The following PRKCA variants were observed in gnomAD, a reference collection of about 807,000 sequenced individuals.
PRKCA encodes the protein protein kinase C alpha type.
PRKCA carries 27 observed loss-of-function variants against 87.0 expected under a neutral mutation model. The ratio of observed to expected loss-of-function variants is 0.31; its 90% CI spans 0.23 to 0.43. The LOEUF (loss-of-function observed/expected upper bound fraction) is 0.43. Ranked by LOEUF, PRKCA falls within the 20% of genes least tolerant of loss-of-function variation. The probability of loss-of-function intolerance (pLI) is 1.00; values close to 1 mark genes in which losing one functional copy is unlikely to be tolerated. For missense variants in PRKCA, 518 were observed against 852.3 expected, an observed-to-expected ratio of 0.61 and a Z score of 4.88; for synonymous variants, 329 against 311.1, an observed-to-expected ratio of 1.06 and a Z score of -0.61.
At chr17:66,695,685 C>G (rs1787079417) in intron 8 of PRKCA, among the ~76,000 whole-genome samples, 7 of 152,302 alleles carry the variant, frequency 4.6e-5, no homozygotes, top group Admixed American at 3.9e-4. Flanking sequence ...CACCATTGCT[C>G]TATTCCAGAG....
chr17:66,462,402 A>G (rs1914893738), intron 2 of PRKCA, among the ~76,000 whole-genome samples: 1 of 152,226 alleles, frequency 6.6e-6, no homozygotes, highest in Non-Finnish European at 1.5e-5. Context: ...GGCATCTAAT[A>G]GCTAAAGTTT....
chr17:66,437,766 A>G (rs1913487070), intron 2 of PRKCA, among the ~76,000 whole-genome samples: 1 of 135,068 alleles, frequency 7.4e-6, no homozygotes, highest in Non-Finnish European at 1.6e-5. Flanking sequence ...GCGGCTTCAA[A>G]CTGGAGATTA....
chr17:66,457,966 C>A (rs887644140), intron 2 of PRKCA, among the ~76,000 whole-genome samples: 3 of 152,076 alleles, frequency 2.0e-5, no homozygotes, highest in African/African-American at 7.2e-5. Context: ...AAAAATGAAG[C>A]CTGATATCCT....
intron 3 of PRKCA, among the ~76,000 whole-genome samples, chr17:66,604,373 C>T (rs922102707): frequency 6.6e-6 from 1 of 152,124 alleles, no homozygotes; most frequent in Admixed American, 6.5e-5. Context: ...ACTTGATTTC[C>T]GAAGGCCATG....
intron 13 of PRKCA, among the ~76,000 whole-genome samples, chr17:66,754,837 G>A (rs1324876493): frequency 6.6e-6 from 1 of 152,010 alleles, no homozygotes; most frequent in Non-Finnish European, 1.5e-5. Flanking sequence ...TGGCCTTCCA[G>A]GTCCTTGGGA....
At chr17:66,521,342 C>T (rs1333681686) in intron 3 of PRKCA, among the ~76,000 whole-genome samples, 2 of 152,094 alleles carry the variant, frequency 1.3e-5, no homozygotes, top group Non-Finnish European at 2.9e-5. Flanking sequence ...TAAAAGAGTT[C>T]TCATTTTTAT....
chr17:66,775,081 TAGG>T (rs1975015959), intron 14 of PRKCA: 1 of 985,438 alleles, frequency 1.0e-6, no homozygotes, highest in Non-Finnish European at 1.2e-6. Flanking sequence ...AGGCTGAAAT[TAGG>T]AGGAATTAGT....
rs539346996 is a variant in PRKCA, at chr17:66,709,566, C to G, written c.918+20519C>G. ...TCAAGTGATCCACCCACCTCAGCCT[C>G]CCAAAGTGCTGGGATTACAGGCATG... On this transcript the variant is annotated intron_variant, in intron 8 of 16. Transcript: ENST00000413366. Among the ~76,000 whole-genome samples the G allele has an allele frequency of 7.4e-4, 112 of 152,170 alleles. 2 individuals carry two copies. The highest frequency in any genetic ancestry group is 2.6e-3 in the African/African-American group (106 of 41,542).
chr17:66,765,437 T>TATAG (rs1974785117), intron 13 of PRKCA, among the ~76,000 whole-genome samples: 1 of 135,602 alleles, frequency 7.4e-6, no homozygotes. Flanking sequence ...TATATATATA[T>TATAG]ATATATATAT....
intron 9 of PRKCA, 56 bp from the exon 10 acceptor site, chr17:66,735,433 C>G (rs1974000959): frequency 6.2e-7 from 1 of 1,602,782 alleles, no homozygotes; most frequent in African/African-American, 1.3e-5. Flanking sequence ...TTCCTTCCCT[C>G]TGCCCCCCAA....
intron 2 of PRKCA, among the ~76,000 whole-genome samples, chr17:66,452,150 T>G (rs995056808): frequency 1.3e-5 from 2 of 152,228 alleles, no homozygotes; most frequent in African/African-American, 4.8e-5. Context: ...CCAATTTGAT[T>G]CACTGAAAAT....
At position 66,502,198 on chromosome 17, in the gene PRKCA, TTGTG is replaced by T. The variant is rs373692087; in HGVS notation, c.288+5921_288+5924del. The stretch of plus-strand genomic sequence containing the variant: ...TGTGCATGGATGTATTGATATGTAT[TTGTG>T]TGTGTATGTTTATTAGCACATTAAG... On this transcript the variant is annotated intron_variant, in intron 3 of 16. Coordinates refer to ENST00000413366, the MANE Select transcript of PRKCA (RefSeq NM_002737.3). Among the ~76,000 whole-genome samples, 1,067 of 152,334 alleles carry T rather than the reference TTGTG, an allele frequency of 7.0e-3. 10 individuals are homozygous for T. Among genetic ancestry groups the T allele is most frequent in the South Asian group, 0.024 (117 of 4,824 alleles).
intron 2 of PRKCA, among the ~76,000 whole-genome samples, chr17:66,461,869 TCGAGGAGGAGAC>T (rs1914867262): frequency 5.2e-5 from 7 of 135,916 alleles, no homozygotes; most frequent in South Asian, 2.1e-4. Context: ...TTCCTAACTA[TCGAGGAGGAGAC>T]TGGGGTTCCT....
At chr17:66,715,584 G>A (rs1214724925) in intron 8 of PRKCA, among the ~76,000 whole-genome samples, 2 of 152,114 alleles carry the variant, frequency 1.3e-5, no homozygotes, top group African/African-American at 4.8e-5. Context: ...CAACTGTTTG[G>A]ATCTTTGTTT....
At chr17:66,542,053 G>C (rs1309829731) in intron 3 of PRKCA, among the ~76,000 whole-genome samples, 4 of 152,136 alleles carry the variant, frequency 2.6e-5, no homozygotes, top group Non-Finnish European at 5.9e-5. Context: ...GGTTATTATG[G>C]TTCTATATAA....
chr17:66,406,876 C>T (rs1019354905), intron 2 of PRKCA, among the ~76,000 whole-genome samples: 1 of 152,066 alleles, frequency 6.6e-6, no homozygotes, highest in Non-Finnish European at 1.5e-5. Context: ...GAGCTCCTGT[C>T]TGCTTCTAAG....
At chr17:66,339,612 A>G (rs1415122745) in intron 2 of PRKCA, among the ~76,000 whole-genome samples, 1 of 152,160 alleles carries the variant, frequency 6.6e-6, no homozygotes, top group Admixed American at 6.6e-5. Context: ...TTTCATTACT[A>G]CTTGAGGGGA....
intron 11 of PRKCA, among the ~76,000 whole-genome samples, chr17:66,739,945 G>A (rs991562132): frequency 2.0e-5 from 3 of 152,248 alleles, no homozygotes; most frequent in East Asian, 1.9e-4. Context: ...TGGTGCAGGC[G>A]CTGGTGAGAC....
Position 66,524,966 on chromosome 17 carries a change from CTCTTA to C in PRKCA, c.288+28685_288+28689del, listed in dbSNP as rs933935390. On this transcript the variant is annotated intron_variant, in intron 3 of 16. Coordinates refer to ENST00000413366, the MANE Select transcript of PRKCA (RefSeq NM_002737.3). ...GATCCTCCCATCCTGGTTACATGTT[CTCTTA>C]TAACGTGTCTTTGCCATGCTTTCAG... Among the ~76,000 whole-genome samples, 3 of 152,230 alleles carry C rather than the reference CTCTTA, an allele frequency of 2.0e-5. No homozygotes were observed. The East Asian group carries it at 5.8e-4, about 29-fold the overall frequency.
Sources: allele counts gnomAD v4.1 joint callset (sites outside exome capture counted in the v4.1 genomes callset), GRCh38; gene constraint gnomAD v4.1.1; transcripts MANE v1.5; gene names NCBI Gene and HGNC (gene_info 2026-07-23, HGNC 2026-07-21).